Variants in GPHN observed in about 807,000 individuals in gnomAD.
GPHN encodes the protein gephyrin.
Under a neutral mutation model 95.5 loss-of-function variants are expected in GPHN, and 17 were observed. The ratio of observed to expected loss-of-function variants is 0.18; its 90% CI spans 0.12 to 0.27. The LOEUF (loss-of-function observed/expected upper bound fraction) is 0.27, where lower values mean the gene tolerates loss of function less well. GPHN is among the 10% of genes least tolerant of loss of function. The probability of loss-of-function intolerance (pLI) is 1.00; values close to 1 mark genes in which losing one functional copy is unlikely to be tolerated. For missense variants in GPHN, 660 were observed against 978.1 expected, an observed-to-expected ratio of 0.67 and a Z score of 4.34; for synonymous variants, 320 against 322.5, an observed-to-expected ratio of 0.99 and a Z score of 0.08.
the GPHN span, chr14:67,645,786 G>A: frequency 1.9e-6 from 3 of 1,613,918 alleles, no homozygotes; most frequent in Non-Finnish European, 2.5e-6. Flanking sequence ...TTTCTCCTCA[G>A]AGAACTACAG....
At chr14:67,204,880 C>T in the GPHN span, 321 of 1,613,922 alleles carry the variant, frequency 2.0e-4, no homozygotes, top group African/African-American at 3.9e-3. Context: ...CATAGATTTC[C>T]CAGAATTCAC....
At chr14:67,585,267 C>T in the GPHN span, 1 of 305,270 alleles carries the variant, frequency 3.3e-6, no homozygotes, top group Non-Finnish European at 6.1e-6. Context: ...TTCTGTAGCA[C>T]AGAGCTTTCC....
intron 1 of GPHN, among the ~76,000 whole-genome samples, chr14:66,543,092 C>T (rs1195088018): frequency 6.6e-6 from 1 of 152,142 alleles, no homozygotes; most frequent in African/African-American, 2.4e-5. Context: ...CTCCTTACAA[C>T]TCTGTCAGTA....
At chr14:66,635,638 T>G (rs2064056556) in intron 1 of GPHN, among the ~76,000 whole-genome samples, 1 of 152,166 alleles carries the variant, frequency 6.6e-6, no homozygotes, top group Admixed American at 6.5e-5. Context: ...GTGGGTGTAA[T>G]TCTGATATCT....
the GPHN span, among the ~76,000 whole-genome samples, chr14:67,358,179 A>G: frequency 6.6e-6 from 1 of 152,144 alleles, no homozygotes; most frequent in African/African-American, 2.4e-5. Flanking sequence ...GATGTCTTTC[A>G]GTGCAGAAGT....
At chr14:66,600,831 A>G (rs981796725) in intron 1 of GPHN, among the ~76,000 whole-genome samples, 6 of 152,092 alleles carry the variant, frequency 3.9e-5, no homozygotes, top group Non-Finnish European at 7.4e-5. Flanking sequence ...GCATTTGTTC[A>G]GTTTCAGCTG....
At chr14:67,657,537 A>C in the GPHN span, among the ~76,000 whole-genome samples, 128 of 152,182 alleles carry the variant, frequency 8.4e-4, no homozygotes, top group African/African-American at 2.9e-3. Flanking sequence ...CAGAATTAAC[A>C]ACCACTGACA....
chr14:67,583,436 G>A, the GPHN span, among the ~76,000 whole-genome samples: 1 of 152,134 alleles, frequency 6.6e-6, no homozygotes. Flanking sequence ...TTTTGGACTG[G>A]AAGCCAGAAT....
the GPHN span, among the ~76,000 whole-genome samples, chr14:67,359,204 T>G: frequency 6.6e-6 from 1 of 152,216 alleles, no homozygotes; most frequent in Non-Finnish European, 1.5e-5. Flanking sequence ...CACTTTGGCT[T>G]AGGGACCTCT....
the GPHN span, among the ~76,000 whole-genome samples, chr14:67,347,227 T>C: frequency 6.6e-6 from 1 of 152,010 alleles, no homozygotes; most frequent in Non-Finnish European, 1.5e-5. Flanking sequence ...GCATGAGCCA[T>C]TGTGCCCGGC....
chr14:67,297,330 C>T, the GPHN span, among the ~76,000 whole-genome samples: 1 of 152,120 alleles, frequency 6.6e-6, no homozygotes, highest in Non-Finnish European at 1.5e-5. Context: ...TACAGATGCA[C>T]ACACATATCT....
the GPHN span, chr14:67,359,585 G>A: frequency 6.5e-7 from 1 of 1,540,212 alleles, no homozygotes; most frequent in Non-Finnish European, 9.0e-7. Context: ...CCTCACTGTG[G>A]CCCAGGGTCT....
At chr14:67,613,557 A>T in the GPHN span, 2 of 205,624 alleles carry the variant, frequency 9.7e-6, no homozygotes, top group Admixed American at 4.5e-5. Context: ...CCAATAAAAC[A>T]GATCAATGGA....
chr14:66,945,293 G>T (rs1011233685), intron 8 of GPHN, among the ~76,000 whole-genome samples: 1 of 152,196 alleles, frequency 6.6e-6, no homozygotes, highest in African/African-American at 2.4e-5. Context: ...GAAGAGCCCA[G>T]GCTCCTCCCC....
At chr14:67,687,874 C>T in the GPHN span, among the ~76,000 whole-genome samples, 51 of 151,826 alleles carry the variant, frequency 3.4e-4, 1 homozygote, top group African/African-American at 1.1e-3. Context: ...CAGGTTCAGG[C>T]GATTCTCCTG....
the GPHN span, chr14:67,570,112 C>A: frequency 3.5e-6 from 3 of 848,842 alleles, no homozygotes; most frequent in Middle Eastern, 2.4e-4. Context: ...GGCTTCTGCA[C>A]ATGGTGACCC....
At chr14:67,494,506 G>C in the GPHN span, among the ~76,000 whole-genome samples, 1 of 152,208 alleles carries the variant, frequency 6.6e-6, no homozygotes, top group African/African-American at 2.4e-5. Context: ...AGCAAATCCA[G>C]GCACAGGAAG....
At chr14:67,022,626 TTG>T (rs1276668407) in intron 9 of GPHN, among the ~76,000 whole-genome samples, 16 of 144,502 alleles carry the variant, frequency 1.1e-4, no homozygotes, top group Non-Finnish European at 2.3e-4. Flanking sequence ...GTATGTATGT[TTG>T]TGACTTTTTT....
At chr14:67,572,335 G>T in the GPHN span, 2 of 1,490,630 alleles carry the variant, frequency 1.3e-6, no homozygotes, top group Non-Finnish European at 9.0e-7. Context: ...AGGCTGCTGG[G>T]GCCCTCAGCA....
Sources: gnomAD v4.1 joint callset for allele counts (sites outside exome capture counted in the v4.1 genomes callset) on GRCh38, gnomAD v4.1.1 for gene constraint, MANE v1.5 for transcripts, NCBI Gene and HGNC (gene_info 2026-07-23, HGNC 2026-07-21) for gene names.